Variants in COL28A1 observed in about 807,000 individuals in gnomAD.
COL28A1 encodes the protein collagen type XXVIII alpha 1 chain.
In COL28A1, 161 loss-of-function variants were observed where a neutral mutation model predicts 150.2. That is an observed-to-expected ratio of 1.07 (90% CI 0.94 to 1.22). The LOEUF (loss-of-function observed/expected upper bound fraction) is 1.22, where lower values mean the gene tolerates loss of function less well. Ranked by LOEUF, COL28A1 falls within the 50% of genes most tolerant of loss-of-function variation. The pLI is 0.00. For synonymous variants in COL28A1, 552 were observed against 469.7 expected, an observed-to-expected ratio of 1.18 and a Z score of -2.26; for missense variants, 1,617 against 1,388.3, an observed-to-expected ratio of 1.16 and a Z score of -2.62.
chr7:7,442,997 T>C (rs576010110), intron 20 of COL28A1, among the ~76,000 whole-genome samples: 2 of 149,136 alleles, frequency 1.3e-5, no homozygotes, highest in Admixed American at 6.7e-5. Flanking sequence ...ATCGTGCCAC[T>C]GCACTCCAGC....
Position 7,449,815 on chromosome 7 carries a change from C to A in COL28A1, c.1509+2504G>T, listed in dbSNP as rs142231338. ...TAAATTTAACTAAAAAAATACAAGA[C>A]CTTTATGGAGAAAATTACAAATATT... On this transcript the variant is annotated intron_variant, in intron 18 of 34. Coordinates refer to ENST00000399429, the MANE Select transcript of COL28A1 (RefSeq NM_001037763.3). 4.6e-3 allele frequency among the ~76,000 whole-genome samples: 705 copies of A among 152,008 alleles called. 5 individuals carry two copies. Among genetic ancestry groups the A allele is most frequent in the East Asian group, 0.022 (114 of 5,178 alleles).
At chr7:7,534,046 T>G (rs1782512184) in intron 1 of COL28A1, among the ~76,000 whole-genome samples, 1 of 151,716 alleles carries the variant, frequency 6.6e-6, no homozygotes. Flanking sequence ...CAGTGAGGAG[T>G]GAGATGGAGA....
chr7:7,489,767 A>C (rs952374393), intron 12 of COL28A1, among the ~76,000 whole-genome samples: 1 of 152,176 alleles, frequency 6.6e-6, no homozygotes, highest in Non-Finnish European at 1.5e-5. Context: ...CTAAGCTGAC[A>C]ATGTGTGTGC....
downstream of COL28A1, among the ~76,000 whole-genome samples, chr7:7,353,199 A>G (rs747414662): frequency 6.6e-6 from 1 of 152,180 alleles, no homozygotes; most frequent in Non-Finnish European, 1.5e-5. Context: ...TAGTTCCTAA[A>G]CTGAAGTCTG....
intron 27 of COL28A1, among the ~76,000 whole-genome samples, chr7:7,400,943 T>C (rs2128298784): frequency 6.6e-6 from 1 of 150,404 alleles, no homozygotes; most frequent in East Asian, 2.0e-4. Context: ...TCCCTCCCTC[T>C]CCCCTCGTCC....
At chr7:7,482,185 G>A (rs145407090) in intron 13 of COL28A1, among the ~76,000 whole-genome samples, 131 of 152,278 alleles carry the variant, frequency 8.6e-4, no homozygotes, top group Non-Finnish European at 1.7e-3. Flanking sequence ...TAGAATCTTT[G>A]TCAGCCCTAA....
At chr7:7,527,634 G>C (rs1456373574) in intron 3 of COL28A1, among the ~76,000 whole-genome samples, 1 of 152,158 alleles carries the variant, frequency 6.6e-6, no homozygotes, top group East Asian at 1.9e-4. Flanking sequence ...ATGACAGACT[G>C]GGGGCATGCT....
intron 25 of COL28A1, among the ~76,000 whole-genome samples, chr7:7,428,610 G>C (rs1292982443): frequency 6.7e-6 from 1 of 149,948 alleles, no homozygotes; most frequent in African/African-American, 2.4e-5. Flanking sequence ...AATATCTAAG[G>C]CTCCAGAGAA....
intron 33 of COL28A1, among the ~76,000 whole-genome samples, chr7:7,362,959 T>C (rs2348028): frequency 0.79 from 120,801 of 152,022 alleles, 48,112 homozygotes; most frequent in East Asian, 0.88. Context: ...CCTCCTGAGC[T>C]CAGCACCGAG....
At chr7:7,406,772 T>C (rs941322830) in intron 27 of COL28A1, among the ~76,000 whole-genome samples, 4 of 152,110 alleles carry the variant, frequency 2.6e-5, no homozygotes, top group African/African-American at 9.7e-5. Flanking sequence ...TGTGCTCTGA[T>C]TGTATTGAGT....
In COL28A1 at chr7:7,490,553, T is replaced by C. The variant is rs767798102; in HGVS notation, c.1095+25A>G. ...CTACAATAAATTCAACAGTCATCAGTGGGCAAAAAGACAAGTATCTTTACC... is the reference window on the plus strand; with the variant it reads ...CTACAATAAATTCAACAGTCATCAGCGGGCAAAAAGACAAGTATCTTTACC... On this transcript the variant is annotated intron_variant, in intron 12 of 34. Coordinates refer to ENST00000399429, the MANE Select transcript of COL28A1 (RefSeq NM_001037763.3). 5.0e-6 allele frequency: 5 copies of C among 993,246 alleles called. No individual in the cohort carries two copies. In the East Asian group the frequency reaches 9.5e-5, roughly 19 times the overall value. The allele number at this position is 993,246 out of a possible 1,614,324, so 61.5% of individuals were successfully genotyped here. A position where few individuals can be genotyped will look rare whatever the true frequency, so the allele number is the denominator to read the frequency against.
In COL28A1 at chr7:7,373,213, A is replaced by G; in HGVS notation, c.2693T>C (p.Val898Ala). Reference sequence around the variant, plus strand: ...CTGTCCATCAGTGATGACCAAGGCCACTTTTTTTACACCTGGCCTTGCATC... The same window carrying G: ...CTGTCCATCAGTGATGACCAAGGCCGCTTTTTTTACACCTGGCCTTGCATC... ...FEDARPGVKK[V>A]ALVITDGQTD... The change falls in exon 32 of 35, where the codon GTG becomes GCG. Residue 898 changes from valine (V) to alanine (A), a missense_variant. Physicochemically the swap from Val to Ala is moderately conservative, Grantham distance 64. Coordinates refer to ENST00000399429, the MANE Select transcript of COL28A1 (RefSeq NM_001037763.3). This position sits in a 1 kb window ranked among gnomAD's most constrained non-coding sequence, Gnocchi z 4.1. 4 of 1,614,136 alleles carry G rather than the reference A, an allele frequency of 2.5e-6. No homozygotes were observed. The highest frequency in any genetic ancestry group is 3.4e-6 in the Non-Finnish European group (4 of 1,180,016).
chr7:7,361,772 T>C (rs1040219239), intron 33 of COL28A1, among the ~76,000 whole-genome samples: 4 of 151,466 alleles, frequency 2.6e-5, no homozygotes, highest in Non-Finnish European at 5.9e-5. Flanking sequence ...AGCAAAGACT[T>C]GAACCAACCC....
At position 7,522,806 on chromosome 7, in the gene COL28A1, C is replaced by CAAAAAAAAAAAAAAAAAAAAAAAAA. The variant is rs200294353; in HGVS notation, c.703-870_703-846dup. Among the ~76,000 whole-genome samples the CAAAAAAAAAAAAAAAAAAAAAAAAA allele has an allele frequency of 3.9e-4, 36 of 93,168 alleles. 2 individuals are homozygous for CAAAAAAAAAAAAAAAAAAAAAAAAA. The highest frequency in any genetic ancestry group is 7.8e-4 in the South Asian group (2 of 2,562). 61.1% of individuals were successfully genotyped at this position (93,168 alleles called of 152,430 possible). A position where few individuals can be genotyped will look rare whatever the true frequency, so the allele number is the denominator to read the frequency against. ...ACTAACACTAACGATAGCTGAAGAG[C>CAAAAAAAAAAAAAAAAAAAAAAAAA]AAAAAAAAAAAAAAAAAAAAAAAAA... On this transcript the variant is annotated intron_variant, in intron 4 of 34. Transcript: ENST00000399429.
At chr7:7,453,406 A>T (rs780345322) in intron 17 of COL28A1, 34 bp downstream of exon 17, 2 of 910,538 alleles carry the variant, frequency 2.2e-6, no homozygotes, top group Non-Finnish European at 1.9e-6. Context: ...TATACTATAG[A>T]TATATTAAAC....
chr7:7,420,171 A>G (rs1004015234), intron 25 of COL28A1: 4 of 340,210 alleles, frequency 1.2e-5, no homozygotes, highest in Non-Finnish European at 2.1e-5. Flanking sequence ...TCTTGGCAAC[A>G]TTAACTTTTT....
chr7:7,508,946 G>A (rs1049399557), intron 9 of COL28A1, among the ~76,000 whole-genome samples: 1 of 152,112 alleles, frequency 6.6e-6, no homozygotes, highest in Non-Finnish European at 1.5e-5. Flanking sequence ...CAATTCTCCT[G>A]CTCCAGCCTC....
rs550500164 is a variant in COL28A1, at chr7:7,510,513, G to A, written c.927+578C>T. Reference sequence around the variant, plus strand: ...TTGGTCAGGCTGGTCTCAAACTCCTGACCTCAGGTGATCCACCCACCTTGG... The same window carrying A: ...TTGGTCAGGCTGGTCTCAAACTCCTAACCTCAGGTGATCCACCCACCTTGG... On this transcript the variant is annotated intron_variant, in intron 9 of 34. Transcript: ENST00000399429. 3.3e-5 allele frequency among the ~76,000 whole-genome samples: 5 copies of A among 152,324 alleles called. No homozygotes were observed. In the East Asian group the frequency reaches 9.7e-4, roughly 29 times the overall value.
intron 31 of COL28A1, among the ~76,000 whole-genome samples, chr7:7,374,161 G>A (rs1167759974): frequency 6.6e-6 from 1 of 151,336 alleles, no homozygotes; most frequent in Non-Finnish European, 1.5e-5. Flanking sequence ...ATGCCCTGTG[G>A]ATGCCGTCCC....
Sources: gnomAD v4.1 joint callset for allele counts (sites outside exome capture counted in the v4.1 genomes callset) on GRCh38, gnomAD v4.1.1 for gene constraint, Gnocchi (gnomAD v3.1) non-coding constraint, MANE v1.5 for transcripts, NCBI Gene and HGNC (gene_info 2026-07-23, HGNC 2026-07-21) for gene names.